CHRDL1: variants seen among roughly 807,000 people sequenced by gnomAD.
CHRDL1 encodes chordin-like protein 1.
A neutral mutation model predicts 40.9 loss-of-function variants in CHRDL1; 19 were observed. The ratio of observed to expected loss-of-function variants is 0.46; its 90% CI spans 0.32 to 0.68. CHRDL1 has a LOEUF of 0.68. CHRDL1 is among the 30% of genes least tolerant of loss of function. The pLI is 0.03. For synonymous variants in CHRDL1, 136 were observed against 123.4 expected (o/e 1.10, Z -0.68); for missense variants, 329 against 352.1 (o/e 0.93, Z 0.53).
chrX:110,690,270 G>T (rs1304042835), intron 8 of CHRDL1, among the ~76,000 whole-genome samples: 2 of 104,928 alleles, frequency 1.9e-5, no homozygotes, highest in Admixed American at 2.2e-4. Context: ...GGATGGTCTC[G>T]ATCTCCTGAC....
At chrX:110,689,466 A>ATATC (rs2070122299) in intron 8 of CHRDL1, among the ~76,000 whole-genome samples, 1 of 52,005 alleles carries the variant, frequency 1.9e-5, no homozygotes, top group African/African-American at 2.4e-4. Flanking sequence ...ATCTATATAT[A>ATATC]TCTATATATC....
At chrX:110,764,785 G>C (rs768252005) in intron 2 of CHRDL1, among the ~76,000 whole-genome samples, 2 of 110,560 alleles carry the variant, frequency 1.8e-5, no homozygotes, top group South Asian at 7.8e-4. Context: ...ATGCATTCCT[G>C]GGGGGAGGTC....
chrX:110,710,389 C>T (rs2070726633), intron 6 of CHRDL1, among the ~76,000 whole-genome samples: 1 of 111,880 alleles, frequency 8.9e-6, no homozygotes, highest in African/African-American at 3.3e-5. Flanking sequence ...TGAAATGCTT[C>T]ACTGGGAATT....
intron 4 of CHRDL1, among the ~76,000 whole-genome samples, chrX:110,743,094 C>G (rs2071389239): frequency 8.9e-6 from 1 of 112,795 alleles, no homozygotes; most frequent in East Asian, 2.8e-4. Flanking sequence ...TCACACCAGT[C>G]ACATTTCAAA....
chrX:110,762,908 G>T, intron 2 of CHRDL1, 101 bp from the exon 3 acceptor site: 2 of 524,817 alleles, frequency 3.8e-6, no homozygotes, highest in South Asian at 2.7e-5. Flanking sequence ...TATACATCAA[G>T]AGAAGTGGCA....
chrX:110,776,935 C>A (rs920985359), intron 2 of CHRDL1, among the ~76,000 whole-genome samples: 2 of 111,076 alleles, frequency 1.8e-5, no homozygotes, highest in Non-Finnish European at 3.8e-5. Context: ...TGACATGTAT[C>A]CACTATTATA....
At chrX:110,726,374 C>T (rs1270549955) in intron 4 of CHRDL1, among the ~76,000 whole-genome samples, 2 of 111,553 alleles carry the variant, frequency 1.8e-5, no homozygotes, top group Non-Finnish European at 3.8e-5. Context: ...GCTTGTTCGC[C>T]CCTTCTACTA....
In CHRDL1 at chrX:110,727,224, G is replaced by A. The variant is rs575339382; in HGVS notation, c.302-5694C>T. ...TTGCTGAAAGAGTTATTAGAAACTGGAACCACAGGCCAACTAGGCATGTAG... is the reference window on the plus strand; with the variant it reads ...TTGCTGAAAGAGTTATTAGAAACTGAAACCACAGGCCAACTAGGCATGTAG... On this transcript the variant is annotated intron_variant, in intron 4 of 11. Transcript: ENST00000372042. Among the ~76,000 whole-genome samples, 19 of 111,609 alleles carry A rather than the reference G, an allele frequency of 1.7e-4. No individual in the cohort carries two copies. In the South Asian group the frequency reaches 7.2e-3, roughly 42 times the overall value.
chrX:110,686,390 A>C (rs1380050259), intron 9 of CHRDL1, among the ~76,000 whole-genome samples: 1 of 111,993 alleles, frequency 8.9e-6, no homozygotes, highest in Non-Finnish European at 1.9e-5. Flanking sequence ...AATATTATAC[A>C]ATGAGAGGGT....
At chrX:110,687,252 C>G (rs1447664007) in intron 9 of CHRDL1, among the ~76,000 whole-genome samples, 1 of 111,503 alleles carries the variant, frequency 9.0e-6, no homozygotes, top group Non-Finnish European at 1.9e-5. Context: ...CATAAATGAC[C>G]CTGGGCCTAC....
chrX:110,726,023 T>C lies in CHRDL1; in HGVS notation c.302-4493A>G, dbSNP rs754949971. Among the ~76,000 whole-genome samples the C allele has an allele frequency of 1.7e-3, 186 of 111,230 alleles. 1 individual carries two copies. The highest frequency in any genetic ancestry group is 2.7e-3 in the Non-Finnish European group (142 of 53,010). On this transcript the variant is annotated intron_variant, in intron 4 of 11. Coordinates refer to ENST00000372042, the MANE Select transcript of CHRDL1 (RefSeq NM_001143981.2). ...CATCCAACAAAGTAAAACTACATCA[T>C]CTAAAGGGCTTTACCCCAAGTCTCA...
intron 4 of CHRDL1, among the ~76,000 whole-genome samples, chrX:110,726,483 C>A (rs996586213): frequency 4.1e-4 from 46 of 111,494 alleles, no homozygotes; most frequent in Admixed American, 2.1e-3. Context: ...TTCCACCTTC[C>A]AGAACTGTGA....
intron 2 of CHRDL1, among the ~76,000 whole-genome samples, chrX:110,787,224 C>A (rs984460447): frequency 6.3e-5 from 7 of 111,450 alleles, no homozygotes; most frequent in African/African-American, 2.3e-4. Context: ...GTTTCTTCTT[C>A]AAATGACAAT....
At chrX:110,761,004 C>T (rs2089553652) in intron 3 of CHRDL1, among the ~76,000 whole-genome samples, 1 of 111,135 alleles carries the variant, frequency 9.0e-6, no homozygotes, top group Non-Finnish European at 1.9e-5. Context: ...ATAATAATAA[C>T]GATGATGATG....
chrX:110,766,502 A>G (rs73528271), intron 2 of CHRDL1, among the ~76,000 whole-genome samples: 2,751 of 111,796 alleles, frequency 0.025, 86 homozygotes, highest in African/African-American at 0.084. Context: ...ACTGAGAAAC[A>G]AAACAGGAGT....
At chrX:110,764,320 C>T (rs1294340887) in intron 2 of CHRDL1, among the ~76,000 whole-genome samples, 1 of 111,944 alleles carries the variant, frequency 8.9e-6, no homozygotes, top group Non-Finnish European at 1.9e-5. Context: ...TTGTCTAAGC[C>T]AATGTCTGTT....
intron 2 of CHRDL1, among the ~76,000 whole-genome samples, chrX:110,773,802 T>A (rs1486119234): frequency 9.2e-6 from 1 of 108,648 alleles, no homozygotes; most frequent in Admixed American, 9.9e-5. Flanking sequence ...TGACCCAGAA[T>A]ATGGTCTATT....
chrX:110,754,145 A>T (rs780144505), intron 4 of CHRDL1, among the ~76,000 whole-genome samples: 2 of 111,995 alleles, frequency 1.8e-5, no homozygotes, highest in South Asian at 3.7e-4. Flanking sequence ...ATTCTCCGTG[A>T]TCTTTGTGCA....
intron 4 of CHRDL1, among the ~76,000 whole-genome samples, chrX:110,747,018 G>A (rs946712600): frequency 1.8e-5 from 2 of 110,170 alleles, no homozygotes. Context: ...ACAGCAGAGC[G>A]AGGCCCCATC....
Sources: allele counts gnomAD v4.1 joint callset (sites outside exome capture counted in the v4.1 genomes callset), GRCh38; gene constraint gnomAD v4.1.1; transcripts MANE v1.5; gene names NCBI Gene and HGNC (gene_info 2026-07-23, HGNC 2026-07-21).